GPATCH8: variants seen among roughly 807,000 people sequenced by gnomAD.
The protein encoded by GPATCH8 is G-patch domain containing 8.
In GPATCH8, 18 loss-of-function variants were observed where a neutral mutation model predicts 118.3. That is an observed-to-expected ratio of 0.15 (90% CI 0.11 to 0.23). GPATCH8 has a LOEUF of 0.23. Ranked by LOEUF, GPATCH8 falls within the 10% of genes least tolerant of loss-of-function variation. GPATCH8 has a pLI of 1.00. For missense variants in GPATCH8, 1,631 were observed against 1,873.8 expected, an observed-to-expected ratio of 0.87 and a Z score of 2.39; for synonymous variants, 659 against 684.7, an observed-to-expected ratio of 0.96 and a Z score of 0.59.
intron 3 of GPATCH8, among the ~76,000 whole-genome samples, chr17:44,445,539 C>T (rs12940402): frequency 0.025 from 3,712 of 150,756 alleles, 94 homozygotes; most frequent in Middle Eastern, 0.062. Context: ...GAGTTTCACT[C>T]TTGTTGCCTA....
intron 6 of GPATCH8, among the ~76,000 whole-genome samples, chr17:44,420,373 GT>G (rs1433606860): frequency 2.6e-5 from 4 of 152,158 alleles, no homozygotes. Context: ...ATATACGAAA[GT>G]TTTTAATTAA....
intron 1 of GPATCH8, 36 bp downstream of exon 1, chr17:44,503,290 C>G: frequency 6.3e-7 from 1 of 1,580,086 alleles, no homozygotes; most frequent in Non-Finnish European, 8.6e-7. Flanking sequence ...GCTAGACCAG[C>G]GCCTTCCCCG....
intron 1 of GPATCH8, among the ~76,000 whole-genome samples, chr17:44,498,752 T>C (rs553531117): frequency 1.5e-4 from 23 of 152,340 alleles, no homozygotes; most frequent in African/African-American, 5.5e-4. Context: ...GTGGCATTTC[T>C]TCCAGATTAC....
At position 44,397,865 on chromosome 17, in the gene GPATCH8, C is replaced by T. The variant is rs2048835994; in HGVS notation, c.4212G>A (p.Gln1404=). 6.2e-7 allele frequency: 1 copy of T among 1,607,554 alleles called. No homozygotes were observed. The highest frequency in any genetic ancestry group is 1.3e-5 in the African/African-American group (1 of 74,672). ...HPHPHPQPLA[Q]VHHIPQPHLT... ...GATGGGGCTGGGGAATATGATGCAC[C>T]TGGGCAAGTGGTTGGGGATGGGGGT... Residue 1404 remains glutamine, a synonymous_variant, in exon 8 of 8, where the codon CAG becomes CAA. Coordinates refer to ENST00000591680, the MANE Select transcript of GPATCH8 (RefSeq NM_001002909.4).
At chr17:44,404,143 G>T (rs1371629888) in intron 7 of GPATCH8, among the ~76,000 whole-genome samples, 1 of 152,024 alleles carries the variant, frequency 6.6e-6, no homozygotes, top group Non-Finnish European at 1.5e-5. Context: ...ATAAAAAGGG[G>T]ATTCTTTTTT....
chr17:44,482,552 C>T (rs1301383650), intron 1 of GPATCH8, among the ~76,000 whole-genome samples: 4 of 131,812 alleles, frequency 3.0e-5, no homozygotes, highest in South Asian at 5.1e-4. Context: ...TCAGCCTGGG[C>T]GACAGAGCCA....
intron 1 of GPATCH8, among the ~76,000 whole-genome samples, chr17:44,499,278 C>A (rs576233435): frequency 4.6e-5 from 7 of 152,188 alleles, no homozygotes; most frequent in African/African-American, 1.7e-4. Context: ...ACCAGCCTGA[C>A]CAACAGGGTG....
At chr17:44,478,016 G>A (rs1598601864) in intron 1 of GPATCH8, among the ~76,000 whole-genome samples, 1 of 146,404 alleles carries the variant, frequency 6.8e-6, no homozygotes, top group African/African-American at 2.5e-5. Context: ...GGGGTGGGGG[G>A]GTTCACACCA....
chr17:44,437,237 G>A (rs1156816316), intron 3 of GPATCH8, among the ~76,000 whole-genome samples: 14 of 152,154 alleles, frequency 9.2e-5, no homozygotes, highest in Admixed American at 9.2e-4. Flanking sequence ...GGCTGCGAGG[G>A]TAACTGGTAA....
At chr17:44,423,850 G>A (rs781046239) in intron 6 of GPATCH8, among the ~76,000 whole-genome samples, 1 of 152,138 alleles carries the variant, frequency 6.6e-6, no homozygotes, top group African/African-American at 2.4e-5. Flanking sequence ...TTAAAGTTAA[G>A]ATAGCATCTA....
chr17:44,415,811 C>T (rs1233100012), intron 6 of GPATCH8, among the ~76,000 whole-genome samples: 2 of 152,218 alleles, frequency 1.3e-5, no homozygotes, highest in Non-Finnish European at 2.9e-5. Context: ...AAGGTTGAAA[C>T]TGTAGAACAA....
chr17:44,422,831 T>C (rs764599438), intron 6 of GPATCH8, among the ~76,000 whole-genome samples: 44 of 152,120 alleles, frequency 2.9e-4, no homozygotes, highest in Admixed American at 4.6e-4. Flanking sequence ...AGGTCCTGGA[T>C]AGAAGTATTC....
At chr17:44,436,587 A>C in intron 3 of GPATCH8, 42 bp from the exon 4 acceptor site, 1 of 934,588 alleles carries the variant, frequency 1.1e-6, no homozygotes, top group Non-Finnish European at 1.8e-6. Flanking sequence ...GCAAAGCCAA[A>C]CCAACAGCTC....
chr17:44,495,398 A>T (rs996703999), intron 1 of GPATCH8, among the ~76,000 whole-genome samples: 3 of 152,060 alleles, frequency 2.0e-5, no homozygotes, highest in Non-Finnish European at 4.4e-5. Flanking sequence ...TCCTTTACTT[A>T]GAGTTATGCA....
intron 6 of GPATCH8, among the ~76,000 whole-genome samples, 187 bp downstream of exon 6, chr17:44,424,162 G>A (rs2050010767): frequency 6.6e-6 from 1 of 152,162 alleles, no homozygotes; most frequent in Non-Finnish European, 1.5e-5. Flanking sequence ...TGGGAGTGTG[G>A]GCTGGAGGTG....
intron 6 of GPATCH8, among the ~76,000 whole-genome samples, chr17:44,424,039 G>A (rs868017053): frequency 7.2e-5 from 11 of 152,080 alleles, no homozygotes; most frequent in South Asian, 2.1e-4. Context: ...TGGAAACAAA[G>A]CTCCCAGTGA....
At chr17:44,468,765 A>G (rs1967030420) in intron 2 of GPATCH8, among the ~76,000 whole-genome samples, 1 of 152,104 alleles carries the variant, frequency 6.6e-6, no homozygotes, top group African/African-American at 2.4e-5. Flanking sequence ...AAGATACATG[A>G]TAGAGGTAGG....
Position 44,458,785 on chromosome 17 carries a change from A to G in GPATCH8, c.193+5687T>C, listed in dbSNP as rs144931042. On this transcript the variant is annotated intron_variant, in intron 3 of 7. Transcript: ENST00000591680. ...GTGATCTTCCCACCTTGGCCTCCCAAAGTCCTGGGATTACAGGTGCTTAAG... is the reference window on the plus strand; with the variant it reads ...GTGATCTTCCCACCTTGGCCTCCCAGAGTCCTGGGATTACAGGTGCTTAAG... 2.7e-3 allele frequency among the ~76,000 whole-genome samples: 416 copies of G among 152,260 alleles called. 2 individuals are homozygous for G. The highest frequency in any genetic ancestry group is 4.8e-3 in the Non-Finnish European group (324 of 68,010).
chr17:44,473,075 T>C (rs1390335510), intron 2 of GPATCH8, among the ~76,000 whole-genome samples: 1 of 152,042 alleles, frequency 6.6e-6, no homozygotes, highest in Non-Finnish European at 1.5e-5. Context: ...ACAGATTTCA[T>C]TACAAAATTC....
Sources: allele counts gnomAD v4.1 joint callset (sites outside exome capture counted in the v4.1 genomes callset), GRCh38; gene constraint gnomAD v4.1.1; transcripts MANE v1.5; gene names NCBI Gene and HGNC (gene_info 2026-07-23, HGNC 2026-07-21).